PABPN1L: variants seen among roughly 807,000 people sequenced by gnomAD.
PABPN1L encodes the protein embryonic polyadenylate-binding protein 2.
In PABPN1L, 45 loss-of-function variants were observed where a neutral mutation model predicts 34.0. The ratio of observed to expected loss-of-function variants is 1.32; its 90% CI spans 1.04 to 1.70. PABPN1L has a LOEUF of 1.70. Ranked by LOEUF, PABPN1L falls within the 40% of genes most tolerant of loss-of-function variation. PABPN1L has a pLI of 0.00. For missense variants in PABPN1L, 459 were observed against 367.8 expected, an observed-to-expected ratio of 1.25 and a Z score of -2.03; for synonymous variants, 182 against 152.1, an observed-to-expected ratio of 1.20 and a Z score of -1.45.
chr16:88,863,526 G>A (rs1401706562), exon 7 of PABPN1L: 26 of 628,462 alleles, frequency 4.1e-5, no homozygotes, highest in Non-Finnish European at 7.1e-5. Context: ...CCCATGCCAG[G>A]CTCACCACCG....
At chr16:88,865,167 T>C (rs780342746) in intron 3 of PABPN1L, 39 bp from the exon 4 acceptor site, 3 of 1,542,458 alleles carry the variant, frequency 1.9e-6, no homozygotes, top group Admixed American at 3.9e-5. Flanking sequence ...GGGAGACGCC[T>C]GGCCCTGACT....
At chr16:88,866,533 G>T in exon 1 of PABPN1L, 1 of 1,551,288 alleles carries the variant, frequency 6.4e-7, no homozygotes. Flanking sequence ...CTGGGCCTCA[G>T]GGTCTGAGGA....
chr16:88,865,116 C>G, exon 4 of PABPN1L: 2 of 1,573,848 alleles, frequency 1.3e-6, no homozygotes, highest in South Asian at 1.2e-5. Context: ...TCGGCGGAGC[C>G]CCCGTAGTCC....
chr16:88,869,036 G>A (rs187050044), upstream of PABPN1L, among the ~76,000 whole-genome samples: 134 of 152,310 alleles, frequency 8.8e-4, 2 homozygotes, highest in Admixed American at 6.9e-3. Context: ...CTGTAAGCGC[G>A]ATGCGAGGAG....
At chr16:88,864,293 G>T in exon 6 of PABPN1L, 1 of 1,556,346 alleles carries the variant, frequency 6.4e-7, no homozygotes, top group South Asian at 1.2e-5. Context: ...TGTGGGGGAA[G>T]GGTGCCCCCC....
chr16:88,865,062 C>G, exon 4 of PABPN1L: 1 of 1,597,368 alleles, frequency 6.3e-7, no homozygotes, highest in Non-Finnish European at 8.5e-7. Context: ...AGGATCGTGA[C>G]TCGGTGGACC....
chr16:88,865,024 C>T (rs1171636536), exon 4 of PABPN1L: 14 of 1,599,290 alleles, frequency 8.8e-6, no homozygotes, highest in African/African-American at 1.3e-5. Context: ...ACACTGACCC[C>T]TTGGGGTGTC....
chr16:88,865,373 C>T (rs1192352267), intron 3 of PABPN1L, among the ~76,000 whole-genome samples, 190 bp downstream of exon 3: 3 of 151,808 alleles, frequency 2.0e-5, no homozygotes, highest in African/African-American at 4.8e-5. Flanking sequence ...CATGTGCAAC[C>T]CCGAATTCCA....
At chr16:88,863,786 T>C in exon 7 of PABPN1L, 1 of 1,536,028 alleles carries the variant, frequency 6.5e-7, no homozygotes, top group African/African-American at 1.4e-5. Context: ...GTGAGAATTT[T>C]CCACGGGCCC....
At chr16:88,867,235 CT>C (rs892071561), upstream of PABPN1L, among the ~76,000 whole-genome samples, 71 of 123,740 alleles carry the variant, frequency 5.7e-4, no homozygotes, top group African/African-American at 1.6e-3. Context: ...TTTTTTTTTT[CT>C]TTTTTTTTTA....
chr16:88,863,861 C>G lies in PABPN1L; in HGVS notation c.798-66G>C, dbSNP rs942146760. 2.9e-5 allele frequency: 42 copies of G among 1,455,804 alleles called. 1 individual carries two copies. The South Asian group carries it at 4.8e-4, about 17-fold the overall frequency. 90.2% of individuals were successfully genotyped at this position (1,455,804 alleles called of 1,614,324 possible). A position where few individuals can be genotyped will look rare whatever the true frequency, so the allele number is the denominator to read the frequency against. ...GAGAAGGGGTGGTGGCCCAGGGCCC[C>G]GGGGGACAACAGGATAAGGATGCAG... On this transcript the variant is annotated intron_variant, in intron 6 of 6. Coordinates refer to ENST00000419291, the Ensembl canonical transcript of PABPN1L.
chr16:88,864,286 G>A, exon 6 of PABPN1L: 5 of 1,552,686 alleles, frequency 3.2e-6, no homozygotes, highest in Middle Eastern at 1.7e-4. Context: ...AGGCCGCTGT[G>A]GGGGAAGGGT....
chr16:88,867,375 C>G (rs959646074), upstream of PABPN1L, among the ~76,000 whole-genome samples: 15 of 152,116 alleles, frequency 9.9e-5, no homozygotes, highest in African/African-American at 3.4e-4. Flanking sequence ...TTACAGGCAC[C>G]TGCCACCATG....
chr16:88,867,551 G>C (rs1302551691), upstream of PABPN1L, among the ~76,000 whole-genome samples: 1 of 152,116 alleles, frequency 6.6e-6, no homozygotes, highest in African/African-American at 2.4e-5. Context: ...TTAGGTGGGA[G>C]CCACTTCCAT....
At chr16:88,868,074 C>T (rs746258448), upstream of PABPN1L, among the ~76,000 whole-genome samples, 1 of 152,174 alleles carries the variant, frequency 6.6e-6, no homozygotes, top group African/African-American at 2.4e-5. Flanking sequence ...CCACGCAGGG[C>T]GGCCCTTCCT....
rs765953307 is a variant in PABPN1L at position 88,865,111 on chromosome 16, G to A, written c.477C>T (p.Ser159=). 19 of 1,577,940 alleles carry A rather than the reference G, an allele frequency of 1.2e-5. No homozygotes were observed. The East Asian group carries it at 1.9e-4, about 16-fold the overall frequency. ...TGAAGTGGGCCTCCAGCTCCTCGGC[G>A]GAGCCCCCGTAGTCCACCTGCACCC... Residue 159 remains serine, a synonymous_variant, in exon 4 of 7, where the codon TCC becomes TCT. Coordinates refer to ENST00000419291, the Ensembl canonical transcript of PABPN1L.
exon 7 of PABPN1L, chr16:88,863,351 C>T (rs531021520): frequency 5.2e-5 from 15 of 288,720 alleles, no homozygotes; most frequent in Admixed American, 2.6e-4. Context: ...TAAAAAGAGC[C>T]CAAGTTTAAT....
At chr16:88,867,104 C>G (rs867270112), upstream of PABPN1L, among the ~76,000 whole-genome samples, 1 of 152,104 alleles carries the variant, frequency 6.6e-6, no homozygotes, top group Non-Finnish European at 1.5e-5. Context: ...ATGAGAGGGC[C>G]GAGGCAGGTT....
chr16:88,869,391 G>A (rs1057234246), upstream of PABPN1L, among the ~76,000 whole-genome samples: 1 of 152,208 alleles, frequency 6.6e-6, no homozygotes, highest in African/African-American at 2.4e-5. Flanking sequence ...CTGCGAACAC[G>A]GTGCCACTGT....
Sources: gnomAD v4.1 joint callset for allele counts (sites outside exome capture counted in the v4.1 genomes callset) on GRCh38, gnomAD v4.1.1 for gene constraint, MANE v1.5 for transcripts, NCBI Gene and HGNC (gene_info 2026-07-23, HGNC 2026-07-21) for gene names.